CPNE4: variants seen among roughly 807,000 people sequenced by gnomAD.
CPNE4 encodes the protein copine 4, also known as copine-4.
Under a neutral mutation model 67.9 loss-of-function variants are expected in CPNE4, and 25 were observed. The ratio of observed to expected loss-of-function variants is 0.37; its 90% CI spans 0.27 to 0.51. The LOEUF (loss-of-function observed/expected upper bound fraction) is 0.51, where lower values mean the gene tolerates loss of function less well. CPNE4 is among the 20% of genes least tolerant of loss of function. The pLI is 0.93. For synonymous variants in CPNE4, 242 were observed against 244.9 expected (o/e 0.99, Z 0.11); for missense variants, 464 against 690.8 (o/e 0.67, Z 3.68).
chr3:131,573,863 G>T (rs934009437), intron 10 of CPNE4, among the ~76,000 whole-genome samples: 2 of 152,032 alleles, frequency 1.3e-5, no homozygotes, highest in African/African-American at 4.8e-5. Flanking sequence ...AGACTTTAAA[G>T]AGGAGACCAA....
intron 7 of CPNE4, among the ~76,000 whole-genome samples, chr3:131,652,652 G>A (rs2079843532): frequency 6.6e-6 from 1 of 152,026 alleles, no homozygotes; most frequent in Non-Finnish European, 1.5e-5. Context: ...ACTGTTATTA[G>A]ATTGGTGTTT....
chr3:131,906,349 C>T (rs2088760223), intron 1 of CPNE4, among the ~76,000 whole-genome samples: 1 of 151,006 alleles, frequency 6.6e-6, no homozygotes, highest in Non-Finnish European at 1.5e-5. Context: ...CTGTGCTGCA[C>T]CCATTAACTC....
chr3:131,574,613 A>G (rs1937503620), intron 10 of CPNE4, among the ~76,000 whole-genome samples: 1 of 152,048 alleles, frequency 6.6e-6, no homozygotes, highest in South Asian at 2.1e-4. Flanking sequence ...AACTGTTTGT[A>G]TGGCTTACTC....
intron 2 of CPNE4, among the ~76,000 whole-genome samples, chr3:131,733,785 TTC>T (rs1384611280): frequency 1.3e-5 from 2 of 152,162 alleles, no homozygotes; most frequent in African/African-American, 2.4e-5. Context: ...ACCATCTCAT[TTC>T]TCTGTTACAG....
At chr3:131,739,806 CT>C (rs2082316987) in intron 2 of CPNE4, among the ~76,000 whole-genome samples, 1 of 152,202 alleles carries the variant, frequency 6.6e-6, no homozygotes, top group African/African-American at 2.4e-5. Context: ...AGTTTAGTAA[CT>C]TGTCTAAGTT....
chr3:131,740,900 T>A (rs779170734), intron 2 of CPNE4, among the ~76,000 whole-genome samples: 27 of 152,318 alleles, frequency 1.8e-4, no homozygotes, highest in Non-Finnish European at 3.4e-4. Context: ...TGCTGTTCCT[T>A]TGAACATCCT....
intron 2 of CPNE4, among the ~76,000 whole-genome samples, chr3:131,767,355 T>C (rs1583166083): frequency 6.6e-6 from 1 of 152,154 alleles, no homozygotes; most frequent in South Asian, 2.1e-4. Flanking sequence ...ACAAACCATA[T>C]TGAGACATCT....
intron 1 of CPNE4, among the ~76,000 whole-genome samples, chr3:132,012,771 G>A (rs527596511): frequency 5.9e-5 from 9 of 152,288 alleles, no homozygotes; most frequent in African/African-American, 2.2e-4. Context: ...TTCATTCTAA[G>A]ATATATCCGA....
At chr3:131,793,469 C>T in intron 2 of CPNE4, among the ~76,000 whole-genome samples, 1 of 152,154 alleles carries the variant, frequency 6.6e-6, no homozygotes, top group East Asian at 1.9e-4. Context: ...AGATCAACAA[C>T]AGCAGCAGCA....
chr3:131,561,346 T>C (rs1936749618), intron 11 of CPNE4, among the ~76,000 whole-genome samples: 1 of 151,208 alleles, frequency 6.6e-6, no homozygotes, highest in Non-Finnish European at 1.5e-5. Flanking sequence ...CCTGTGTGTG[T>C]GTGTGTGTGT....
At chr3:131,683,294 T>C (rs957174218) in intron 6 of CPNE4, among the ~76,000 whole-genome samples, 3 of 152,126 alleles carry the variant, frequency 2.0e-5, no homozygotes, top group African/African-American at 7.2e-5. Context: ...CCATGGTGAG[T>C]ACAGCCTGGC....
chr3:131,755,574 C>A (rs913969947), intron 2 of CPNE4, among the ~76,000 whole-genome samples: 4 of 152,192 alleles, frequency 2.6e-5, no homozygotes, highest in African/African-American at 9.6e-5. Flanking sequence ...ATTACTGTTA[C>A]ACTGGGTTTT....
chr3:131,838,803 G>A (rs986522931), intron 2 of CPNE4, among the ~76,000 whole-genome samples: 6 of 151,434 alleles, frequency 4.0e-5, no homozygotes, highest in African/African-American at 4.8e-5. Flanking sequence ...GTTACTATAT[G>A]TATATTCGTA....
At chr3:131,839,379 A>G (rs1348325441) in intron 2 of CPNE4, among the ~76,000 whole-genome samples, 2 of 151,656 alleles carry the variant, frequency 1.3e-5, no homozygotes, top group Non-Finnish European at 2.9e-5. Context: ...TTATAATATA[A>G]TGTAAAATTA....
intron 2 of CPNE4, among the ~76,000 whole-genome samples, chr3:131,768,102 C>T (rs778959296): frequency 2.9e-4 from 44 of 152,108 alleles, no homozygotes; most frequent in Admixed American, 1.3e-4. Flanking sequence ...CAGTTTTTCA[C>T]ATATCAGAAG....
At chr3:131,963,604 C>T (rs1391635585) in intron 1 of CPNE4, among the ~76,000 whole-genome samples, 1 of 152,164 alleles carries the variant, frequency 6.6e-6, no homozygotes, top group Non-Finnish European at 1.5e-5. Context: ...TTTCCACTCA[C>T]AGTGTTAAGC....
At chr3:131,974,356 C>A (rs2077315) in intron 1 of CPNE4, among the ~76,000 whole-genome samples, 114,863 of 152,112 alleles carry the variant, frequency 0.76, 43,612 homozygotes, top group Admixed American at 0.84. Flanking sequence ...ATATACGCAT[C>A]TACAGTGAAT....
intron 1 of CPNE4, among the ~76,000 whole-genome samples, chr3:132,024,461 G>A (rs2107693683): frequency 6.6e-6 from 1 of 151,216 alleles, no homozygotes; most frequent in Middle Eastern, 3.4e-3. Context: ...TTAGTGGAAG[G>A]ACTGTACATT....
At chr3:131,706,604 T>C (rs2081419513) in intron 3 of CPNE4, among the ~76,000 whole-genome samples, 1 of 152,164 alleles carries the variant, frequency 6.6e-6, no homozygotes, top group Non-Finnish European at 1.5e-5. Context: ...GAGTCAGACA[T>C]GCCTCATTAT....
Sources: allele counts gnomAD v4.1 joint callset (sites outside exome capture counted in the v4.1 genomes callset), GRCh38; gene constraint gnomAD v4.1.1; transcripts MANE v1.5; gene names NCBI Gene and HGNC (gene_info 2026-07-23, HGNC 2026-07-21).